CYP2A13: variants seen among roughly 807,000 people sequenced by gnomAD.
The protein encoded by CYP2A13 is cytochrome P450 family 2 subfamily A member 13, also known as cytochrome P450 2A13.
In CYP2A13, 30 loss-of-function variants were observed where a neutral mutation model predicts 39.4. That is an observed-to-expected ratio of 0.76 (90% CI 0.57 to 1.03). The LOEUF (loss-of-function observed/expected upper bound fraction) is 1.03. Ranked by LOEUF, CYP2A13 falls within the 50% of genes least tolerant of loss-of-function variation. The pLI, the probability that CYP2A13 is intolerant of heterozygous loss-of-function variation, is 0.00. For missense variants in CYP2A13, 731 were observed against 648.4 expected, an observed-to-expected ratio of 1.13 and a Z score of -1.38; for synonymous variants, 269 against 254.7, an observed-to-expected ratio of 1.06 and a Z score of -0.54.
In CYP2A13 at chr19:41,093,672, G is replaced by T; in HGVS notation, c.874G>T (p.Val292Leu). Residue 292 changes from valine to leucine, a missense_variant, in exon 6 of 9, where the codon GTG becomes TTG. By Grantham distance (32) the Val-to-Leu change is conservative. Transcript: ENST00000330436. ...PNTEFYLKNL[V>L]MTTLNLFFAG... The stretch of plus-strand genomic sequence containing the variant: ...CACAGAGTTCTACTTGAAGAACCTG[G>T]TGATGACCACCCTGAACCTCTTCTT... 1 of 1,614,154 alleles carries T rather than the reference G, an allele frequency of 6.2e-7. No homozygotes were observed. The highest frequency in any genetic ancestry group is 8.5e-7 in the Non-Finnish European group (1 of 1,180,032).
At chr19:41,092,419 G>A (rs1291684813) in intron 5 of CYP2A13, among the ~76,000 whole-genome samples, 1 of 150,082 alleles carries the variant, frequency 6.7e-6, no homozygotes, top group Non-Finnish European at 1.5e-5. Flanking sequence ...ACTTATGCAC[G>A]TGCATTAGAA....
chr19:41,093,022 G>T (rs2031224551), intron 5 of CYP2A13, among the ~76,000 whole-genome samples: 1 of 151,882 alleles, frequency 6.6e-6, no homozygotes, highest in Non-Finnish European at 1.5e-5. Flanking sequence ...GTAACAGACT[G>T]GGAAACATGG....
intron 1 of CYP2A13, 95 bp downstream of exon 1, chr19:41,088,746 T>G: frequency 1.3e-6 from 2 of 1,547,464 alleles, no homozygotes; most frequent in Admixed American, 3.7e-5. Context: ...GACCAGAGTC[T>G]TAGGAAAGGG....
rs1599654582 is a variant in CYP2A13, at chr19:41,091,585, TC to T, written c.655-145del. On this transcript the variant is annotated intron_variant, in intron 4 of 8. Transcript: ENST00000330436. The stretch of plus-strand genomic sequence containing the variant: ...CCACGTGAAAACTTAGATATAAGTT[TC>T]CATCCAACCCCACTGAAATACCTAA... The T allele has an allele frequency of 5.5e-5, 70 of 1,277,488 alleles. No homozygotes were observed. The East Asian group carries it at 1.7e-3, about 32-fold the overall frequency. The allele number at this position is 1,277,488 out of a possible 1,614,324, so 79.1% of individuals were successfully genotyped here. A position where few individuals can be genotyped will look rare whatever the true frequency, so the allele number is the denominator to read the frequency against.
intron 2 of CYP2A13, 126 bp from the exon 3 acceptor site, chr19:41,089,921 C>T: frequency 8.3e-7 from 1 of 1,210,812 alleles, no homozygotes; most frequent in Non-Finnish European, 1.1e-6. Context: ...TGGGCACTCG[C>T]GCTGAATCCA....
rs2031099274 is a variant in CYP2A13 at position 41,088,858 on chromosome 19, T to C, written c.181-71T>C. 21 of 1,589,344 alleles carry C rather than the reference T, an allele frequency of 1.3e-5. No individual in the cohort carries two copies. In the South Asian group the frequency reaches 2.4e-4, roughly 18 times the overall value. On this transcript the variant is annotated intron_variant, in intron 1 of 8. Coordinates refer to ENST00000330436, the MANE Select transcript of CYP2A13 (RefSeq NM_000766.5). ...CCTGGGGGCGAAGCATCCCAGTACA[T>C]GATATCTCAGTGCTGGGCCCATTCA...
chr19:41,089,396 C>T (rs899026702), intron 2 of CYP2A13, among the ~76,000 whole-genome samples: 10 of 151,988 alleles, frequency 6.6e-5, no homozygotes, highest in Non-Finnish European at 1.3e-4. Context: ...CAGCCCTGGT[C>T]CTCTGTCTTC....
At chr19:41,095,232 C>T (rs2031279422) in intron 8 of CYP2A13, 132 bp downstream of exon 8, 11 of 1,556,290 alleles carry the variant, frequency 7.1e-6, no homozygotes, top group South Asian at 3.4e-5. Flanking sequence ...ACCATTGAGC[C>T]GCCACCAGCT....
Position 41,095,784 on chromosome 19 carries a change from G to T in CYP2A13, c.1328G>T (p.Gly443Val), listed in dbSNP as rs1457444473. The T allele has an allele frequency of 2.5e-6, 4 of 1,614,040 alleles. No individual in the cohort carries two copies. Among genetic ancestry groups the T allele is most frequent in the East Asian group, 2.2e-5 (1 of 44,882 alleles). The change falls in exon 9 of 9, where the codon GGC (glycine) becomes GTC (valine). Residue 443 changes from glycine (G) to valine (V), a missense_variant. Coordinates refer to ENST00000330436, the MANE Select transcript of CYP2A13 (RefSeq NM_000766.5). ...SIGKRYCFGE[G>V]LARMELFLFF... The stretch of plus-strand genomic sequence containing the variant: ...GGAAAGCGGTACTGTTTTGGAGAAG[G>T]CCTGGCCAGAATGGAGCTCTTTCTC...
chr19:41,091,108 T>C (rs940879073), intron 4 of CYP2A13, among the ~76,000 whole-genome samples: 5 of 152,210 alleles, frequency 3.3e-5, no homozygotes, highest in Admixed American at 1.3e-4. Context: ...CCTAAACACA[T>C]AAATATCTAG....
At position 41,091,887 on chromosome 19, in the gene CYP2A13, C is replaced by G; in HGVS notation, c.810C>G (p.Ser270=). The change falls in exon 5 of 9, where the codon TCC becomes TCG. Residue 270 remains serine, a synonymous_variant. Transcript: ENST00000330436. ...DPNSPRDFID[S]FLIRMQEEEK... ...ATTCCCCACGGGACTTCATCGACTC[C>G]TTTCTCATCCGCATGCAGGAGGTAC... The G allele has an allele frequency of 6.2e-7, 1 of 1,614,240 alleles. No individual in the cohort carries two copies. The highest frequency in any genetic ancestry group is 8.5e-7 in the Non-Finnish European group (1 of 1,180,036).
chr19:41,088,728 C>A lies in CYP2A13; in HGVS notation c.180+77C>A, dbSNP rs2031096836. On this transcript the variant is annotated intron_variant, in intron 1 of 8. Coordinates refer to ENST00000330436, the MANE Select transcript of CYP2A13 (RefSeq NM_000766.5). ...CTGGGGCTTTGTGGCAGGGGATTGA[C>A]CAGTGTGGACCAGAGTCTTAGGAAA... is the stretch of plus-strand genomic sequence containing the variant. The A allele has an allele frequency of 2.6e-6, 4 of 1,558,006 alleles. No homozygotes were observed. The East Asian group carries it at 9.0e-5, about 35-fold the overall frequency.
intron 5 of CYP2A13, 67 bp from the exon 6 acceptor site, chr19:41,093,563 G>C: frequency 1.3e-6 from 2 of 1,595,348 alleles, no homozygotes; most frequent in Non-Finnish European, 1.7e-6. Context: ...AGCTCCAAAG[G>C]AAAAGCCCTA....
At position 41,091,910 on chromosome 19, in the gene CYP2A13, T is replaced by C. The variant is rs138836481; in HGVS notation, c.831+2T>C. ...TCCTTTCTCATCCGCATGCAGGAGG[T>C]ACATCCCAGCAGCCAGTGCAGGCAG... On this transcript the variant is annotated splice_donor_variant, in intron 5 of 8. Transcript: ENST00000330436. LOFTEE classifies it high-confidence loss of function. The C allele has an allele frequency of 2.5e-6, 4 of 1,613,806 alleles. No individual in the cohort carries two copies. In the African/African-American group the frequency reaches 5.3e-5, roughly 22 times the overall value.
intron 5 of CYP2A13, among the ~76,000 whole-genome samples, chr19:41,092,405 C>T (rs2144726428): frequency 6.6e-6 from 1 of 150,858 alleles, no homozygotes; most frequent in East Asian, 2.0e-4. Context: ...CACCCACAAG[C>T]ACGACTTATG....
At position 41,088,500 on chromosome 19, in the gene CYP2A13, C is replaced by A; in HGVS notation, c.29C>A (p.Thr10Asn). 1 of 1,613,916 alleles carries A rather than the reference C, an allele frequency of 6.2e-7. No individual in the cohort carries two copies. The highest frequency in any genetic ancestry group is 8.5e-7 in the Non-Finnish European group (1 of 1,179,830). Residue 10 changes from threonine to asparagine, a missense_variant, in exon 1 of 9, where the codon ACC (threonine) becomes AAC (asparagine). Coordinates refer to ENST00000330436, the MANE Select transcript of CYP2A13 (RefSeq NM_000766.5). ...CTGGCCTCAGGGCTGCTTCTGGTGA[C>A]CTTGCTGGCCTGCCTGACTGTGATG... Reference protein sequence around the residue: MLASGLLLVTLLACLTVMVL... With the variant: MLASGLLLVNLLACLTVMVL...
In CYP2A13 at chr19:41,095,161, A is replaced by G. The variant is rs1015660644; in HGVS notation, c.1303+61A>G. On this transcript the variant is annotated intron_variant, in intron 8 of 8. Transcript: ENST00000330436. ...ACACCAGCAGGGGCCTCTCTCACCC[A>G]CCTCCCCTCTCTGCGGTGTAGCCTG... is the stretch of plus-strand genomic sequence containing the variant. The G allele has an allele frequency of 2.5e-6, 4 of 1,612,580 alleles. No homozygotes were observed. In the South Asian group the frequency reaches 4.4e-5, roughly 18 times the overall value.
Position 41,095,155 on chromosome 19 carries a change from T to C in CYP2A13, c.1303+55T>C. 3 of 1,613,772 alleles carry C rather than the reference T, an allele frequency of 1.9e-6. No individual in the cohort carries two copies. In the South Asian group the frequency reaches 3.3e-5, roughly 18 times the overall value. On this transcript the variant is annotated intron_variant, in intron 8 of 8. Transcript: ENST00000330436. ...CGGCTCACACCAGCAGGGGCCTCTC[T>C]CACCCACCTCCCCTCTCTGCGGTGT...
intron 6 of CYP2A13, 149 bp downstream of exon 6, chr19:41,093,920 A>G: frequency 1.0e-6 from 1 of 976,746 alleles, no homozygotes; most frequent in Non-Finnish European, 1.5e-6. Flanking sequence ...GATAGGCATC[A>G]GCTGAGTCTC....
Sources: allele counts gnomAD v4.1 joint callset (sites outside exome capture counted in the v4.1 genomes callset), GRCh38; gene constraint gnomAD v4.1.1; transcripts MANE v1.5; gene names NCBI Gene and HGNC (gene_info 2026-07-23, HGNC 2026-07-21).